Variants in LRRK2 observed in about 807,000 individuals in gnomAD.
LRRK2 encodes leucine-rich repeat serine/threonine-protein kinase 2.
In LRRK2, 203 loss-of-function variants were observed where a neutral mutation model predicts 302.6. The ratio of observed to expected loss-of-function variants is 0.67; its 90% CI spans 0.60 to 0.75. The LOEUF (loss-of-function observed/expected upper bound fraction) is 0.75, where lower values mean the gene tolerates loss of function less well. Among genes scored for constraint, LRRK2 ranks in the 30% least tolerant of loss-of-function variants. The pLI, the probability that LRRK2 is intolerant of heterozygous loss-of-function variation, is 0.00. For synonymous variants in LRRK2, 1,066 were observed against 1,031.9 expected, an observed-to-expected ratio of 1.03 and a Z score of -0.63; for missense variants, 2,830 against 2,951.0, an observed-to-expected ratio of 0.96 and a Z score of 0.95.
At chr12:40,323,663 T>A (rs1945463709) in intron 38 of LRRK2, among the ~76,000 whole-genome samples, 1 of 151,984 alleles carries the variant, frequency 6.6e-6, no homozygotes, top group African/African-American at 2.4e-5. Context: ...ACAGAATAGG[T>A]AAAGGAAGCA....
chr12:40,346,015 A>G (rs12825731), intron 41 of LRRK2, among the ~76,000 whole-genome samples: 7 of 152,138 alleles, frequency 4.6e-5, no homozygotes, highest in African/African-American at 1.4e-4. Flanking sequence ...ACATTGTTTA[A>G]CCATTTCCCT....
chr12:40,343,863 A>G (rs1946118178), intron 41 of LRRK2, among the ~76,000 whole-genome samples: 1 of 152,182 alleles, frequency 6.6e-6, no homozygotes, highest in Non-Finnish European at 1.5e-5. Flanking sequence ...AATCAAGAAC[A>G]CTAGAAATTC....
chr12:40,229,449 C>T (rs888089251), intron 2 of LRRK2, among the ~76,000 whole-genome samples: 6 of 152,076 alleles, frequency 3.9e-5, no homozygotes, highest in Non-Finnish European at 8.8e-5. Context: ...AAATGACAGT[C>T]TTTAGAAAAT....
intron 48 of LRRK2, 110 bp downstream of exon 48, chr12:40,363,664 A>T (rs1000989561): frequency 3.6e-5 from 43 of 1,196,848 alleles, no homozygotes; most frequent in African/African-American, 6.2e-5. Flanking sequence ...GAATTTTTTT[A>T]AAATGCAGAA....
chr12:40,350,682 A>C (rs927361651), intron 43 of LRRK2, among the ~76,000 whole-genome samples: 1 of 152,098 alleles, frequency 6.6e-6, no homozygotes, highest in African/African-American at 2.4e-5. Context: ...AATATTACAT[A>C]ATTTTTCTTC....
intron 2 of LRRK2, among the ~76,000 whole-genome samples, chr12:40,231,576 C>CAAAAAAAAAAAAAAAAAACAAA (rs71078231): frequency 9.4e-6 from 1 of 105,880 alleles, no homozygotes; most frequent in Non-Finnish European, 1.8e-5. Context: ...AAAACAAAAC[C>CAAAAAAAAAAAAAAAAAACAAA]AAAAAAAAAA....
At chr12:40,308,409 A>G (rs1415516893) in intron 28 of LRRK2, 58 bp from the exon 29 acceptor site, 1 of 1,354,250 alleles carries the variant, frequency 7.4e-7, no homozygotes, top group Non-Finnish European at 1.0e-6. Flanking sequence ...GAACTCACCT[A>G]AATCTCAAGT....
At position 40,266,097 on chromosome 12, in the gene LRRK2, G is replaced by A. The variant is rs570470478; in HGVS notation, c.1656+2196G>A. 3.9e-5 allele frequency among the ~76,000 whole-genome samples: 6 copies of A among 152,302 alleles called. No individual in the cohort carries two copies. The East Asian group carries it at 5.8e-4, about 15-fold the overall frequency. ...TATTCAGGACATAGGCATAGGCAAGGCCTTCATGTCTAAAACACCAAAAGC... is the reference window on the plus strand; with the variant it reads ...TATTCAGGACATAGGCATAGGCAAGACCTTCATGTCTAAAACACCAAAAGC... On this transcript the variant is annotated intron_variant, in intron 14 of 50. Coordinates refer to ENST00000298910, the MANE Select transcript of LRRK2 (RefSeq NM_198578.4).
At chr12:40,276,220 A>G (rs1436115341) in intron 16 of LRRK2, among the ~76,000 whole-genome samples, 1 of 152,208 alleles carries the variant, frequency 6.6e-6, no homozygotes, top group Non-Finnish European at 1.5e-5. Flanking sequence ...TCATCTAGGC[A>G]TAAATTTTAG....
chr12:40,260,067 C>T (rs747945044), intron 13 of LRRK2, among the ~76,000 whole-genome samples: 37 of 152,224 alleles, frequency 2.4e-4, no homozygotes, highest in Middle Eastern at 3.4e-3. Context: ...TTCCACCCTC[C>T]ACCCACCTTT....
intron 1 of LRRK2, 35 bp from the exon 2 acceptor site, chr12:40,225,520 A>G: frequency 6.4e-7 from 1 of 1,564,036 alleles, no homozygotes; most frequent in Non-Finnish European, 8.8e-7. Context: ...GTGGATTGTG[A>G]CTTTGCTTCT....
At chr12:40,359,508 TTAA>T (rs1160724983) in intron 47 of LRRK2, 64 bp downstream of exon 47, 1 of 1,221,630 alleles carries the variant, frequency 8.2e-7, no homozygotes, top group African/African-American at 1.5e-5. Context: ...CTTATAATCA[TTAA>T]TAATACTGTT....
intron 20 of LRRK2, among the ~76,000 whole-genome samples, chr12:40,290,470 T>C (rs951466421): frequency 1.3e-5 from 2 of 152,040 alleles, no homozygotes; most frequent in Non-Finnish European, 2.9e-5. Context: ...TGTAAAGGTA[T>C]TTTCTTCTTA....
intron 2 of LRRK2, among the ~76,000 whole-genome samples, chr12:40,226,358 G>T (rs1038299818): frequency 1.3e-5 from 2 of 152,124 alleles, no homozygotes; most frequent in African/African-American, 2.4e-5. Context: ...AACTTCCTTC[G>T]GAGCACTTAG....
chr12:40,225,766 T>G lies in LRRK2; in HGVS notation c.237+126T>G, dbSNP rs1279340968. 6.5e-6 allele frequency: 5 copies of G among 774,434 alleles called. No individual in the cohort carries two copies. In the East Asian group the frequency reaches 1.4e-4, roughly 21 times the overall value. 48.0% of individuals were successfully genotyped at this position (774,434 alleles called of 1,614,324 possible). ...AAATTTGGCTTGAGGAACCTCTGAC[T>G]GTGATTTTAAGATGGGAATATTGTT... On this transcript the variant is annotated intron_variant, in intron 2 of 50. Coordinates refer to ENST00000298910, the MANE Select transcript of LRRK2 (RefSeq NM_198578.4).
intron 20 of LRRK2, among the ~76,000 whole-genome samples, chr12:40,287,906 A>G (rs1177323579): frequency 6.6e-6 from 1 of 151,936 alleles, no homozygotes; most frequent in East Asian, 1.9e-4. Flanking sequence ...AATTAGAAAA[A>G]ATGTATGTAA....
chr12:40,264,928 A>C (rs1034746682), intron 14 of LRRK2, among the ~76,000 whole-genome samples: 6 of 152,250 alleles, frequency 3.9e-5, no homozygotes, highest in African/African-American at 1.4e-4. Context: ...AAGAATAAAG[A>C]CATAATTAGT....
At chr12:40,234,739 AT>A (rs1288684961) in intron 3 of LRRK2, among the ~76,000 whole-genome samples, 4 of 152,142 alleles carry the variant, frequency 2.6e-5, no homozygotes, top group Non-Finnish European at 5.9e-5. Context: ...TAATTTAAAT[AT>A]TCAAATGAAT....
At chr12:40,301,081 A>G (rs1944608126) in intron 25 of LRRK2, 1 of 457,166 alleles carries the variant, frequency 2.2e-6, no homozygotes, top group Admixed American at 2.3e-5. Context: ...ACAATTAATT[A>G]TCTTGTTGTG....
Sources: gnomAD v4.1 joint callset for allele counts (sites outside exome capture counted in the v4.1 genomes callset) on GRCh38, gnomAD v4.1.1 for gene constraint, MANE v1.5 for transcripts, NCBI Gene and HGNC (gene_info 2026-07-23, HGNC 2026-07-21) for gene names.